RBFOX1: variants seen among roughly 807,000 people sequenced by gnomAD.
RBFOX1 encodes the protein RNA binding fox-1 homolog 1.
In RBFOX1, 8 loss-of-function variants were observed where a neutral mutation model predicts 57.7. The ratio of observed to expected loss-of-function variants is 0.14; its 90% confidence interval spans 0.08 to 0.25. RBFOX1 has a LOEUF of 0.25. RBFOX1 is among the 10% of genes least tolerant of loss of function. RBFOX1 has a pLI of 1.00. For missense variants in RBFOX1, 611 were observed against 548.5 expected (o/e 1.11, Z -1.14); for synonymous variants, 326 against 222.4 (o/e 1.47, Z -4.15).
chr16:5,829,331 T>C (rs1275163703), intron 3 of RBFOX1, among the ~76,000 whole-genome samples: 1 of 152,176 alleles, frequency 6.6e-6, no homozygotes, highest in Non-Finnish European at 1.5e-5. Context: ...TGATGAGCTA[T>C]GCATTTTGAA....
Position 5,700,476 on chromosome 16 carries a change from G to T in RBFOX1, c.318+101515G>T, listed in dbSNP as rs561320293. Among the ~76,000 whole-genome samples the T allele has an allele frequency of 2.6e-5, 4 of 152,232 alleles. No individual in the cohort carries two copies. The East Asian group carries it at 7.7e-4, about 29-fold the overall frequency. Reference sequence around the variant, plus strand: ...CATGAAAGCGTTTCATGAAGTCTACGTGTCTTTCTTTATAGGCAATAATAT... The same window carrying T: ...CATGAAAGCGTTTCATGAAGTCTACTTGTCTTTCTTTATAGGCAATAATAT... On this transcript the variant is annotated intron_variant, in intron 3 of 19. Coordinates refer to the RBFOX1 transcript ENST00000641259.
chr16:6,516,977 A>T (rs1467985284), intron 2 of RBFOX1, among the ~76,000 whole-genome samples: 2 of 152,166 alleles, frequency 1.3e-5, no homozygotes, highest in Non-Finnish European at 2.9e-5. Context: ...ATAAAGTATG[A>T]GGCTAGGTCA....
At chr16:7,487,218 C>G (rs1352589365) in intron 4 of RBFOX1, among the ~76,000 whole-genome samples, 1 of 152,160 alleles carries the variant, frequency 6.6e-6, no homozygotes, top group Admixed American at 6.5e-5. Flanking sequence ...GGCATTTGAA[C>G]TTGCAGTTCC....
At chr16:5,795,095 G>A (rs745671920) in intron 3 of RBFOX1, among the ~76,000 whole-genome samples, 1 of 152,128 alleles carries the variant, frequency 6.6e-6, no homozygotes, top group Non-Finnish European at 1.5e-5. Flanking sequence ...GTGGAGAATG[G>A]GAAAAGAAAT....
intron 3 of RBFOX1, among the ~76,000 whole-genome samples, chr16:5,670,910 C>T (rs1365283120): frequency 1.3e-5 from 2 of 152,186 alleles, no homozygotes; most frequent in African/African-American, 4.8e-5. Flanking sequence ...TTATAAGCTC[C>T]ACTTTGCAGA....
chr16:5,410,002 C>A (rs1302547533), intron 1 of RBFOX1, among the ~76,000 whole-genome samples: 2 of 150,118 alleles, frequency 1.3e-5, no homozygotes, highest in African/African-American at 2.5e-5. Context: ...GAGCTGAGAT[C>A]ACGCCAGTGC....
At chr16:5,348,274 A>G (rs533210524) in intron 1 of RBFOX1, among the ~76,000 whole-genome samples, 4 of 152,270 alleles carry the variant, frequency 2.6e-5, no homozygotes, top group African/African-American at 9.6e-5. Flanking sequence ...CCATGCATCC[A>G]TCCATGCATC....
rs186907494 is a variant in RBFOX1 at position 5,740,819 on chromosome 16, T to C, written c.319-126484T>C. ...TTTTACTGTCCCCATAGTTTTAGTA[T>C]GTCTTGTGGCGTCTCCTTGTCTCTG... On this transcript the variant is annotated intron_variant, in intron 3 of 19. Transcript: ENST00000641259. 2.0e-5 allele frequency among the ~76,000 whole-genome samples: 3 copies of C among 152,288 alleles called. No homozygotes were observed. The East Asian group carries it at 5.8e-4, about 29-fold the overall frequency.
At chr16:5,683,891 C>G (rs1029740175) in intron 3 of RBFOX1, among the ~76,000 whole-genome samples, 19 of 151,444 alleles carry the variant, frequency 1.3e-4, no homozygotes, top group African/African-American at 4.6e-4. Flanking sequence ...TGCCTAAGGT[C>G]TTCCCCTAAA....
intron 2 of RBFOX1, among the ~76,000 whole-genome samples, chr16:6,652,428 C>T (rs903889245): frequency 5.0e-4 from 76 of 151,534 alleles, no homozygotes; most frequent in African/African-American, 1.7e-3. Flanking sequence ...AGTCTGGCGA[C>T]AGAGCTAGAC....
At chr16:6,791,551 G>C (rs908104000) in intron 3 of RBFOX1, among the ~76,000 whole-genome samples, 1 of 152,178 alleles carries the variant, frequency 6.6e-6, no homozygotes, top group Non-Finnish European at 1.5e-5. Context: ...TTGAGGTCAG[G>C]AGTTCGAAAC....
At chr16:7,330,122 T>C (rs2144134926) in intron 4 of RBFOX1, among the ~76,000 whole-genome samples, 1 of 152,280 alleles carries the variant, frequency 6.6e-6, no homozygotes, top group South Asian at 2.1e-4. Flanking sequence ...CCATTATATA[T>C]ACAGTCATCC....
chr16:6,050,301 G>A (rs907456867), intron 1 of RBFOX1, among the ~76,000 whole-genome samples: 1 of 152,078 alleles, frequency 6.6e-6, no homozygotes, highest in Admixed American at 6.5e-5. Flanking sequence ...CCATATTTTT[G>A]TGTGTTTGTT....
chr16:6,165,597 A>G (rs2096911232), intron 1 of RBFOX1, among the ~76,000 whole-genome samples: 1 of 152,194 alleles, frequency 6.6e-6, no homozygotes, highest in African/African-American at 2.4e-5. Context: ...CAACCTCCCT[A>G]AAATGTCAGG....
intron 2 of RBFOX1, among the ~76,000 whole-genome samples, chr16:6,593,693 G>A (rs74005200): frequency 0.059 from 8,989 of 152,194 alleles, 854 homozygotes; most frequent in African/African-American, 0.2. Flanking sequence ...ATTGTTTGAA[G>A]GAAGTAAGAT....
At chr16:7,504,741 A>ATATATATATATATT (rs1567554025) in intron 4 of RBFOX1, among the ~76,000 whole-genome samples, 5 of 10,270 alleles carry the variant, frequency 4.9e-4, no homozygotes, top group Admixed American at 1.2e-3. Flanking sequence ...ATATATATAT[A>ATATATATATATATT]TATATATATA....
intron 2 of RBFOX1, among the ~76,000 whole-genome samples, chr16:6,399,233 A>C (rs2092967327): frequency 6.6e-6 from 1 of 152,206 alleles, no homozygotes; most frequent in Non-Finnish European, 1.5e-5. Flanking sequence ...CCATGAAACC[A>C]CTTTTCCCTC....
chr16:5,765,844 A>G (rs1489559437), intron 3 of RBFOX1, among the ~76,000 whole-genome samples: 3 of 152,234 alleles, frequency 2.0e-5, no homozygotes, highest in Admixed American at 1.3e-4. Context: ...AAGAACAAGG[A>G]TGGGAGTGTG....
chr16:6,596,216 T>A (rs1361324451), intron 2 of RBFOX1, among the ~76,000 whole-genome samples: 1 of 152,158 alleles, frequency 6.6e-6, no homozygotes, highest in Non-Finnish European at 1.5e-5. Flanking sequence ...TTACTCCTGT[T>A]TCTTTTTTCT....
Sources: allele counts gnomAD v4.1 joint callset (sites outside exome capture counted in the v4.1 genomes callset), GRCh38; gene constraint gnomAD v4.1.1; transcripts MANE v1.5; gene names NCBI Gene and HGNC (gene_info 2026-07-23, HGNC 2026-07-21).